The following LDB1 variants were observed in gnomAD, a reference collection of about 807,000 sequenced individuals.
The protein encoded by LDB1 is LIM domain binding 1, also known as LIM domain-binding protein 1.
LDB1 carries 6 observed loss-of-function variants against 49.7 expected under a neutral mutation model. That is an observed-to-expected ratio of 0.12 (90% CI 0.07 to 0.24). LDB1 has a LOEUF of 0.24. Among genes scored for constraint, LDB1 ranks in the 10% least tolerant of loss-of-function variants. LDB1 has a pLI of 1.00. For missense variants in LDB1, 341 were observed against 561.7 expected (o/e 0.61, Z 3.97); for synonymous variants, 233 against 202.0 (o/e 1.15, Z -1.30).
upstream of LDB1, chr10:102,120,447 GCCCTCGCGCTCGCGCT>G (rs1030380985): frequency 1.8e-5 from 17 of 962,600 alleles, no homozygotes; most frequent in South Asian, 6.2e-4. Context: ...CCCCCTCTCC[GCCCTCGCGCTCGCGCT>G]CCCTCGCGCC....
intron 1 of LDB1, among the ~76,000 whole-genome samples, chr10:102,115,885 G>T (rs781367796): frequency 5.9e-5 from 9 of 151,844 alleles, no homozygotes; most frequent in Non-Finnish European, 1.0e-4. Flanking sequence ...CCTTACTCGT[G>T]GACAAATAGG....
chr10:102,110,075 TCCC>T (rs1434401097), intron 6 of LDB1, 32 bp from the exon 7 acceptor site: 7 of 1,600,518 alleles, frequency 4.4e-6, no homozygotes, highest in Non-Finnish European at 6.0e-6. Context: ...CCCTGCCCCC[TCCC>T]CACATACCAT....
In LDB1 at chr10:102,116,530, T is replaced by C. The variant is rs541971939; in HGVS notation, c.25+3556A>G. ...CCTAAATATACCCAAATCCTGGATA[T>C]ATACACACACACACAGTCTAAGTCA... On this transcript the variant is annotated intron_variant, in intron 1 of 10. Transcript: ENST00000673968. 1.6e-4 allele frequency among the ~76,000 whole-genome samples: 24 copies of C among 152,064 alleles called. 1 individual carries two copies. The South Asian group carries it at 5.0e-3, about 32-fold the overall frequency.
Position 102,109,876 on chromosome 10 carries a change from C to T in LDB1, c.648+45G>A, listed in dbSNP as rs78325172. 0.02 allele frequency: 31,994 copies of T among 1,593,556 alleles called. 371 individuals are homozygous for T. The highest frequency in any genetic ancestry group is 0.022 in the Non-Finnish European group (26,052 of 1,169,878). On this transcript the variant is annotated intron_variant, in intron 7 of 10. Coordinates refer to ENST00000673968, the MANE Select transcript of LDB1 (RefSeq NM_001113407.3). This position sits in a 1 kb window ranked among gnomAD's most constrained non-coding sequence, Gnocchi z 5.8. ...TGGCAGACCTTGTTCCACCCTTCCC[C>T]CGCCTGCCTTCACTCTTGCATCCTG...
chr10:102,108,578 A>AG (rs2068203418), intron 10 of LDB1, among the ~76,000 whole-genome samples: 1 of 152,142 alleles, frequency 6.6e-6, no homozygotes, highest in South Asian at 2.1e-4. Flanking sequence ...CTAGCTCCCT[A>AG]GCCCATCTCC....
chr10:102,112,777 AGGGGCAAGT>A (rs2068274404), intron 1 of LDB1, among the ~76,000 whole-genome samples: 1 of 152,136 alleles, frequency 6.6e-6, no homozygotes, highest in Non-Finnish European at 1.5e-5. Flanking sequence ...TCCTCAGTCT[AGGGGCAAGT>A]GGTCACTAGA....
intron 1 of LDB1, among the ~76,000 whole-genome samples, chr10:102,119,819 C>A (rs936465069): frequency 2.0e-5 from 3 of 151,666 alleles, no homozygotes; most frequent in African/African-American, 7.3e-5. Context: ...TCAGCCCCCC[C>A]CAAACCTCTC....
rs1445964676 is a variant in LDB1 at position 102,111,259 on chromosome 10, A to G, written c.170T>C (p.Ile57Thr). ...MYPPTYLEPGIGRHTPYGNQT... is the reference protein window; with the variant it reads ...MYPPTYLEPGTGRHTPYGNQT... The stretch of plus-strand genomic sequence containing the variant: ...TTCCCCACTGGACTCCACTTACCCA[A>G]TCCCTGGCTCCAGGTATGTAGGCGG... The change falls in exon 3 of 11, where the codon ATT becomes ACT. Residue 57 changes from isoleucine to threonine, a missense_variant. Ile to Thr is a moderately conservative substitution (Grantham distance 89). Around this residue, in one of 5 missense-constraint regions of LDB1, gnomAD observed 233 missense variants for 385.7 expected, o/e 0.60. Coordinates refer to ENST00000673968, the MANE Select transcript of LDB1 (RefSeq NM_001113407.3). The G allele has an allele frequency of 6.2e-7, 1 of 1,613,946 alleles. No individual in the cohort carries two copies. The highest frequency in any genetic ancestry group is 8.5e-7 in the Non-Finnish European group (1 of 1,179,992).
chr10:102,109,086 G>A lies in LDB1; in HGVS notation c.948C>T (p.Asn316=). The A allele has an allele frequency of 1.2e-6, 2 of 1,614,204 alleles. No individual in the cohort carries two copies. The highest frequency in any genetic ancestry group is 1.6e-4 in the Middle Eastern group (1 of 6,062). ...TMSSGGGNTN[N]SNSKKKSPAS... is the part of the protein sequence containing the mutation. The stretch of plus-strand genomic sequence containing the variant: ...CTGGGCTCTTCTTCTTGCTGTTGCT[G>A]TTGTTGGTGTTGCCACCACCAGAGC... Residue 316 remains asparagine (N), a synonymous_variant, in exon 10 of 11, where the codon AAC becomes AAT. Transcript: ENST00000673968. The surrounding 1 kb of genome is among the most constrained non-coding windows in gnomAD (Gnocchi z 5.8).
intron 10 of LDB1, 62 bp from the exon 11 acceptor site, chr10:102,108,385 A>G: frequency 7.5e-7 from 1 of 1,325,366 alleles, no homozygotes; most frequent in Non-Finnish European, 1.1e-6. Flanking sequence ...CCAGGGCGGC[A>G]GATACCCCCA....
In LDB1 at chr10:102,109,842, G is replaced by A; in HGVS notation, c.648+79C>T. Reference sequence around the variant, plus strand: ...CCCTAACCCTCTGTCTAAGTAGTCAGTCGGGAAATGGCAGACCTTGTTCCA... The same window carrying A: ...CCCTAACCCTCTGTCTAAGTAGTCAATCGGGAAATGGCAGACCTTGTTCCA... On this transcript the variant is annotated intron_variant, in intron 7 of 10. Coordinates refer to ENST00000673968, the MANE Select transcript of LDB1 (RefSeq NM_001113407.3). This position sits in a 1 kb window ranked among gnomAD's most constrained non-coding sequence, Gnocchi z 5.8. 6.3e-7 allele frequency: 1 copy of A among 1,580,946 alleles called. No homozygotes were observed. Among genetic ancestry groups the A allele is most frequent in the Non-Finnish European group, 8.6e-7 (1 of 1,161,126 alleles).
At chr10:102,120,852 C>G (rs957925449), upstream of LDB1, among the ~76,000 whole-genome samples, 1 of 152,070 alleles carries the variant, frequency 6.6e-6, no homozygotes, top group African/African-American at 2.4e-5. Context: ...GTATCTCTCT[C>G]CACCCCGGGC....
chr10:102,108,823 C>T (rs1259893299), intron 10 of LDB1, among the ~76,000 whole-genome samples: 1 of 152,178 alleles, frequency 6.6e-6, no homozygotes, highest in Non-Finnish European at 1.5e-5. Flanking sequence ...TATGCCCTAG[C>T]TTCCTATGGC....
chr10:102,119,280 G>C (rs919323504), intron 1 of LDB1, among the ~76,000 whole-genome samples: 2 of 152,022 alleles, frequency 1.3e-5, no homozygotes, highest in Non-Finnish European at 2.9e-5. Flanking sequence ...CCTCCTGGCA[G>C]TGAGGTAGAC....
Position 102,109,943 on chromosome 10 carries a change from G to C in LDB1, c.626C>G (p.Pro209Arg). Residue 209 changes from proline to arginine, a missense_variant, in exon 7 of 11, where the codon CCC becomes CGC. Coordinates refer to ENST00000673968, the MANE Select transcript of LDB1 (RefSeq NM_001113407.3). The surrounding 1 kb of genome is among the most constrained non-coding windows in gnomAD (Gnocchi z 5.8). The part of the protein sequence containing the change: ...FSIRQHRELI[P>R]RSILAMHAQD... ...CACATGCATGGCAAGGATGCTGCGG[G>C]GGATGAGCTCTCGGTGCTGCCGGAT... 1 of 1,610,520 alleles carries C rather than the reference G, an allele frequency of 6.2e-7. No individual in the cohort carries two copies. Among genetic ancestry groups the C allele is most frequent in the Non-Finnish European group, 8.5e-7 (1 of 1,179,822 alleles).
chr10:102,114,330 G>A (rs918242076), intron 1 of LDB1: 2 of 985,852 alleles, frequency 2.0e-6, no homozygotes, highest in East Asian at 1.1e-4. Flanking sequence ...CTCTCCCCCA[G>A]CCCGCAGATC....
At chr10:102,120,487 C>T, upstream of LDB1, 1 of 669,002 alleles carries the variant, frequency 1.5e-6, no homozygotes, top group Non-Finnish European at 1.9e-6. Flanking sequence ...GCCGGCTCCC[C>T]AGCCCAAGCC....
downstream of LDB1, among the ~76,000 whole-genome samples, chr10:102,102,227 A>G (rs1416909413): frequency 1.3e-5 from 2 of 152,226 alleles, no homozygotes; most frequent in Non-Finnish European, 2.9e-5. Flanking sequence ...ACCTGGCCCC[A>G]TATGATAGCC....
chr10:102,113,215 C>T (rs919392144), intron 1 of LDB1, among the ~76,000 whole-genome samples: 4 of 152,318 alleles, frequency 2.6e-5, no homozygotes, highest in Admixed American at 2.6e-4. Context: ...AAAGGAGGGT[C>T]CCAGACTGCA....
Sources: gnomAD v4.1 joint callset for allele counts (sites outside exome capture counted in the v4.1 genomes callset) on GRCh38, gnomAD v4.1.1 for gene constraint, gnomAD v4.1.1 regional missense constraint, Gnocchi (gnomAD v3.1) non-coding constraint, MANE v1.5 for transcripts, NCBI Gene and HGNC (gene_info 2026-07-23, HGNC 2026-07-21) for gene names.